The following EDAR variants were observed in gnomAD, a reference collection of about 807,000 sequenced individuals.
EDAR encodes ectodysplasin A receptor, also known as tumor necrosis factor receptor superfamily member EDAR.
Under a neutral mutation model 51.3 loss-of-function variants are expected in EDAR, and 38 were observed. The observed-to-expected ratio is 0.74, with a 90% CI of 0.57 to 0.97. EDAR has a LOEUF of 0.97. Ranked by LOEUF, EDAR falls within the 50% of genes least tolerant of loss-of-function variation. The pLI, the probability that EDAR is intolerant of heterozygous loss-of-function variation, is 0.00. For missense variants in EDAR, 528 were observed against 595.0 expected (o/e 0.89, Z 1.17); for synonymous variants, 227 against 242.1 (o/e 0.94, Z 0.58).
rs1696601212 is a variant in EDAR at position 108,896,751 on chromosome 2, A to G, written c.*156T>C. On this transcript the variant is annotated 3_prime_UTR_variant, in exon 12 of 12. Coordinates refer to ENST00000258443, the MANE Select transcript of EDAR (RefSeq NM_022336.4). The stretch of plus-strand genomic sequence containing the variant: ...TTTATCTTTGGTTAAATTGGAAGAC[A>G]GGCCTTATTTCGTCTGGCTCCTTGA... 1.4e-6 allele frequency: 1 copy of G among 689,844 alleles called. No homozygotes were observed. The highest frequency in any genetic ancestry group is 2.4e-6 in the Non-Finnish European group (1 of 416,108). The allele number at this position is 689,844 out of a possible 1,614,324, so 42.7% of individuals were successfully genotyped here.
intron 1 of EDAR, among the ~76,000 whole-genome samples, chr2:108,938,105 A>T (rs773271052): frequency 6.6e-6 from 1 of 152,238 alleles, no homozygotes; most frequent in Non-Finnish European, 1.5e-5. Context: ...CTCTCTGTGC[A>T]TCACTGAATC....
intron 1 of EDAR, among the ~76,000 whole-genome samples, chr2:108,977,067 A>C (rs1170462321): frequency 1.3e-5 from 2 of 152,150 alleles, no homozygotes; most frequent in Non-Finnish European, 2.9e-5. Flanking sequence ...TCATTTAGAA[A>C]GACACCTGTG....
chr2:108,923,433 C>G lies in EDAR; in HGVS notation c.377G>C (p.Arg126Thr). 6.2e-7 allele frequency: 1 copy of G among 1,614,204 alleles called. No individual in the cohort carries two copies. The highest frequency in any genetic ancestry group is 8.5e-7 in the Non-Finnish European group (1 of 1,180,038). ...CLPGYYMLEN[R>T]PRNIYGMVCY... ...GACCATGCCATAGATGTTCCTCGGT[C>G]TGTTCTCCAGCATGTAGTAGCTACG... is the stretch of plus-strand genomic sequence containing the variant. The change falls in exon 5 of 12, where the codon AGA becomes ACA. Residue 126 changes from arginine (R) to threonine (T), a missense_variant. Coordinates refer to ENST00000258443, the MANE Select transcript of EDAR (RefSeq NM_022336.4).
chr2:108,968,980 T>TA (rs1295159479), intron 1 of EDAR, among the ~76,000 whole-genome samples: 8 of 152,218 alleles, frequency 5.3e-5, no homozygotes, highest in African/African-American at 1.9e-4. Flanking sequence ...GCAGTTTTGT[T>TA]ATCCTAACTT....
intron 1 of EDAR, among the ~76,000 whole-genome samples, chr2:108,935,515 G>A (rs1697450138): frequency 6.6e-6 from 1 of 152,206 alleles, no homozygotes; most frequent in African/African-American, 2.4e-5. Flanking sequence ...CTGAGGTGGG[G>A]AGAGAATGTT....
chr2:108,968,851 T>C (rs1424531613), intron 1 of EDAR, among the ~76,000 whole-genome samples: 1 of 152,232 alleles, frequency 6.6e-6, no homozygotes, highest in East Asian at 1.9e-4. Flanking sequence ...TTCACTCTGC[T>C]ATGCACTATT....
chr2:108,961,200 G>C (rs1202575457), intron 1 of EDAR, among the ~76,000 whole-genome samples: 2 of 152,210 alleles, frequency 1.3e-5, no homozygotes, highest in Admixed American at 1.3e-4. Context: ...GACAGAAAAA[G>C]AAGACTGACC....
intron 9 of EDAR, among the ~76,000 whole-genome samples, 165 bp downstream of exon 9, chr2:108,910,295 G>C (rs774227093): frequency 1.2e-4 from 18 of 152,184 alleles, no homozygotes; most frequent in Non-Finnish European, 2.2e-4. Context: ...CACACCACCT[G>C]ACCCCTGCCA....
chr2:108,910,210 G>A, intron 9 of EDAR, among the ~76,000 whole-genome samples: 1 of 152,228 alleles, frequency 6.6e-6, no homozygotes, highest in East Asian at 1.9e-4. Flanking sequence ...AAGGAGGAAG[G>A]CCCAGGGAAT....
chr2:108,951,560 C>T (rs1031390664), intron 1 of EDAR, among the ~76,000 whole-genome samples: 4 of 152,136 alleles, frequency 2.6e-5, no homozygotes, highest in Non-Finnish European at 5.9e-5. Context: ...GTTCCAAATC[C>T]TATACACAAT....
chr2:108,955,412 T>C (rs1697900594), intron 1 of EDAR, among the ~76,000 whole-genome samples: 1 of 152,224 alleles, frequency 6.6e-6, no homozygotes, highest in Non-Finnish European at 1.5e-5. Context: ...GGTTTTGGCA[T>C]TTTCTTTCAG....
chr2:108,902,099 A>G (rs1696711431), intron 11 of EDAR, among the ~76,000 whole-genome samples: 1 of 152,078 alleles, frequency 6.6e-6, no homozygotes, highest in Non-Finnish European at 1.5e-5. Flanking sequence ...TTAGCTGGGC[A>G]TGGTGGCATG....
At chr2:108,979,902 C>A (rs929441242) in intron 1 of EDAR, among the ~76,000 whole-genome samples, 3 of 152,176 alleles carry the variant, frequency 2.0e-5, no homozygotes, top group Non-Finnish European at 2.9e-5. Flanking sequence ...GGCATCACTG[C>A]TGGGCGGTGG....
chr2:108,961,008 A>G (rs1278578041), intron 1 of EDAR, among the ~76,000 whole-genome samples: 2 of 152,226 alleles, frequency 1.3e-5, no homozygotes, highest in Non-Finnish European at 2.9e-5. Context: ...TTATTTCCTT[A>G]CAATAGAGTC....
chr2:108,927,161 G>A (rs1350436701), intron 4 of EDAR, among the ~76,000 whole-genome samples: 1 of 152,178 alleles, frequency 6.6e-6, no homozygotes, highest in Non-Finnish European at 1.5e-5. Flanking sequence ...GGAGCAGTGC[G>A]AAGGCACTCT....
intron 1 of EDAR, among the ~76,000 whole-genome samples, chr2:108,939,253 C>T (rs1697541329): frequency 6.6e-6 from 1 of 152,300 alleles, no homozygotes. Context: ...TCTCAGCTCA[C>T]TGCAACCTCC....
At chr2:108,915,996 T>C (rs1247626540) in intron 5 of EDAR, among the ~76,000 whole-genome samples, 1 of 152,150 alleles carries the variant, frequency 6.6e-6, no homozygotes, top group Non-Finnish European at 1.5e-5. Flanking sequence ...CAACAGAGCG[T>C]TCCCCCTCAC....
At chr2:108,920,380 G>T (rs1223597591) in intron 5 of EDAR, among the ~76,000 whole-genome samples, 1 of 152,200 alleles carries the variant, frequency 6.6e-6, no homozygotes, top group Non-Finnish European at 1.5e-5. Flanking sequence ...AGGGCAACGG[G>T]TTGACCTCCC....
At chr2:108,960,593 G>T (rs1194089395) in intron 1 of EDAR, among the ~76,000 whole-genome samples, 3 of 152,016 alleles carry the variant, frequency 2.0e-5, no homozygotes, top group Non-Finnish European at 2.9e-5. Flanking sequence ...GTCACTGATA[G>T]GTTTTTACAT....
Sources: gnomAD v4.1 joint callset for allele counts (sites outside exome capture counted in the v4.1 genomes callset) on GRCh38, gnomAD v4.1.1 for gene constraint, MANE v1.5 for transcripts, NCBI Gene and HGNC (gene_info 2026-07-23, HGNC 2026-07-21) for gene names.